Variants in BMS1 observed in about 807,000 individuals in gnomAD.
The protein encoded by BMS1 is BMS1 ribosome biogenesis factor.
A neutral mutation model predicts 138.7 loss-of-function variants in BMS1; 53 were observed. That is an observed-to-expected ratio of 0.38 (90% CI 0.31 to 0.48). The LOEUF is 0.48. Among genes scored for constraint, BMS1 ranks in the 20% least tolerant of loss-of-function variants. BMS1 has a pLI of 0.97. For synonymous variants in BMS1, 504 were observed against 539.9 expected, an observed-to-expected ratio of 0.93 and a Z score of 0.92; for missense variants, 1,360 against 1,565.5, an observed-to-expected ratio of 0.87 and a Z score of 2.22.
At position 42,831,151 on chromosome 10, in the gene BMS1, A is replaced by T; in HGVS notation, c.*55A>T. 1 of 1,483,068 alleles carries T rather than the reference A, an allele frequency of 6.7e-7. No homozygotes were observed. Among genetic ancestry groups the T allele is most frequent in the Non-Finnish European group, 9.1e-7 (1 of 1,100,226 alleles). The allele number at this position is 1,483,068 out of a possible 1,614,324, so 91.9% of individuals were successfully genotyped here. A position where few individuals can be genotyped will look rare whatever the true frequency, so the allele number is the denominator to read the frequency against. On this transcript the variant is annotated 3_prime_UTR_variant, in exon 23 of 23. Coordinates refer to ENST00000374518, the MANE Select transcript of BMS1 (RefSeq NM_014753.4). The stretch of plus-strand genomic sequence containing the variant: ...TCTGCGGAGGTAGACAGTTTCAAAC[A>T]TCACAGTTTGAATGCCTGTGAATGA...
chr10:42,816,226 G>A (rs993172153), intron 13 of BMS1, among the ~76,000 whole-genome samples: 1 of 152,132 alleles, frequency 6.6e-6, no homozygotes. Context: ...TTGAACCCGG[G>A]AGGCGGAGGT....
At chr10:42,801,832 G>A (rs1431279664) in intron 12 of BMS1, among the ~76,000 whole-genome samples, 1 of 152,176 alleles carries the variant, frequency 6.6e-6, no homozygotes. Context: ...CTGTCTCATT[G>A]CATTGCCTTA....
rs2132386611 is a variant in BMS1, at chr10:42,823,766, C to G, written c.3438C>G (p.Asn1146Lys). 6.3e-7 allele frequency: 1 copy of G among 1,592,526 alleles called. No individual in the cohort carries two copies. Among genetic ancestry groups the G allele is most frequent in the Non-Finnish European group, 8.5e-7 (1 of 1,178,296 alleles). ...RLAHGVRLKA[N>K]KDSLYKPILR... ...CCCATGGCGTCAGACTAAAGGCGAA[C>G]AAGGACTCTCTGTATAAGGTACTGG... The change falls in exon 21 of 23, where the codon AAC (asparagine) becomes AAG (lysine). Residue 1146 changes from asparagine to lysine, a missense_variant. This residue lies in a region of BMS1 where 425 missense variants were observed against 568.3 expected (regional missense o/e 0.75). Coordinates refer to ENST00000374518, the MANE Select transcript of BMS1 (RefSeq NM_014753.4).
Position 42,799,919 on chromosome 10 carries a change from A to C in BMS1, c.2247+1294A>C, listed in dbSNP as rs1484655003. On this transcript the variant is annotated intron_variant, in intron 12 of 22. Coordinates refer to ENST00000374518, the MANE Select transcript of BMS1 (RefSeq NM_014753.4). ...CCTTCCCATTTCTTTCTTTGGTTAC[A>C]TTTTATTTAATAAACCAAGTCTTTG... Among the ~76,000 whole-genome samples, 17 of 151,982 alleles carry C rather than the reference A, an allele frequency of 1.1e-4. 1 individual carries two copies. The highest frequency in any genetic ancestry group is 1.1e-3 in the Admixed American group (17 of 15,268).
chr10:42,803,024 C>G (rs1252979274), intron 13 of BMS1, among the ~76,000 whole-genome samples: 2 of 151,960 alleles, frequency 1.3e-5, no homozygotes, highest in Non-Finnish European at 2.9e-5. Context: ...GAAGGTCATT[C>G]TTTTTGTTTT....
At position 42,824,801 on chromosome 10, in the gene BMS1, T is replaced by C. The variant is rs572534577; in HGVS notation, c.3456+1017T>C. Among the ~76,000 whole-genome samples the C allele has an allele frequency of 8.4e-4, 128 of 152,314 alleles. 1 individual carries two copies. Among genetic ancestry groups the C allele is most frequent in the Middle Eastern group, 3.4e-3 (1 of 294 alleles). ...TTATCAAAAATTAGTTGACAGTATATGTTTGGATTTATTTCAAAGGTCTCT... is the reference window on the plus strand; with the variant it reads ...TTATCAAAAATTAGTTGACAGTATACGTTTGGATTTATTTCAAAGGTCTCT... On this transcript the variant is annotated intron_variant, in intron 21 of 22. Coordinates refer to ENST00000374518, the MANE Select transcript of BMS1 (RefSeq NM_014753.4).
chr10:42,783,660 G>C (rs1641831477), intron 1 of BMS1, among the ~76,000 whole-genome samples: 1 of 151,974 alleles, frequency 6.6e-6, no homozygotes, highest in African/African-American at 2.4e-5. Flanking sequence ...CAGATTCCCA[G>C]GTAACTCAGA....
At position 42,820,605 on chromosome 10, in the gene BMS1, T is replaced by A. The variant is rs1564429117; in HGVS notation, c.2867T>A (p.Leu956Gln). 1 of 1,611,930 alleles carries A rather than the reference T, an allele frequency of 6.2e-7. No individual in the cohort carries two copies. ...TGGAGGAGGTTTCAGACCATCCCACTGTATTATATCGAAGACCACAATGGA... is the reference window on the plus strand; with the variant it reads ...TGGAGGAGGTTTCAGACCATCCCACAGTATTATATCGAAGACCACAATGGA... ...VGWRRFQTIP[L>Q]YYIEDHNGRQ... The change falls in exon 17 of 23, where the codon CTG (leucine) becomes CAG (glutamine). Residue 956 changes from leucine (L) to glutamine (Q), a missense_variant. Transcript: ENST00000374518.
At chr10:42,828,223 C>A (rs1252953990) in intron 21 of BMS1, among the ~76,000 whole-genome samples, 1 of 152,224 alleles carries the variant, frequency 6.6e-6, no homozygotes, top group Non-Finnish European at 1.5e-5. Context: ...ACAGCACATT[C>A]TATTTAGCCT....
In BMS1 at chr10:42,797,172, A is replaced by G; in HGVS notation, c.1928A>G (p.Asn643Ser). ...ATTGATGAGACCAGTGATATAGAAA[A>G]TTTACTCAAAGAGGAAGAAGATTAC... Reference protein sequence around the residue: ...NFIDETSDIENLLKEEEDYKE... With the variant: ...NFIDETSDIESLLKEEEDYKE... The change falls in exon 10 of 23, where the codon AAT becomes AGT. Residue 643 changes from asparagine (N) to serine (S), a missense_variant. Transcript: ENST00000374518. 1 of 1,613,028 alleles carries G rather than the reference A, an allele frequency of 6.2e-7. No homozygotes were observed. The highest frequency in any genetic ancestry group is 8.5e-7 in the Non-Finnish European group (1 of 1,179,654).
intron 15 of BMS1, among the ~76,000 whole-genome samples, chr10:42,818,464 G>A (rs1588749608): frequency 6.6e-6 from 1 of 152,218 alleles, no homozygotes; most frequent in Non-Finnish European, 1.5e-5. Flanking sequence ...AAGGCTGGCA[G>A]TGGAGATGAG....
chr10:42,812,567 C>T (rs555604053), intron 13 of BMS1, among the ~76,000 whole-genome samples: 17 of 152,162 alleles, frequency 1.1e-4, no homozygotes, highest in Non-Finnish European at 2.1e-4. Context: ...AAGGAGGGGT[C>T]CCTGCCCTAA....
At chr10:42,816,122 A>G (rs1657631188) in intron 13 of BMS1, among the ~76,000 whole-genome samples, 1 of 152,082 alleles carries the variant, frequency 6.6e-6, no homozygotes, top group Admixed American at 6.5e-5. Flanking sequence ...CAATTGGTGA[A>G]ATCCCATCTT....
Position 42,820,507 on chromosome 10 carries a change from G to C in BMS1, c.2770-1G>C, listed in dbSNP as rs1266818218. ...ATCATCTTACCCTCTCGTCCCCTCA[G>C]ATGCGTCTGAAGAAACATCGCTGGT... On this transcript the variant is annotated splice_acceptor_variant, in intron 16 of 22. Coordinates refer to ENST00000374518, the MANE Select transcript of BMS1 (RefSeq NM_014753.4). LOFTEE classifies it high-confidence loss of function. 1 of 1,610,928 alleles carries C rather than the reference G, an allele frequency of 6.2e-7. No individual in the cohort carries two copies. The highest frequency in any genetic ancestry group is 8.5e-7 in the Non-Finnish European group (1 of 1,179,336).
At position 42,790,337 on chromosome 10, in the gene BMS1, A is replaced by G; in HGVS notation, c.462A>G (p.Ile154Met). Residue 154 changes from isoleucine to methionine, a missense_variant, in exon 5 of 23, where the codon ATA becomes ATG. Transcript: ENST00000374518. The part of the protein sequence containing the change: ...AKVADLVLML[I>M]DASFGFEMET... ...TCTGCTTTTAGGTACTGATGCTTATAGATGCCAGCTTTGGGTTTGAAATGG... is the reference window on the plus strand; with the variant it reads ...TCTGCTTTTAGGTACTGATGCTTATGGATGCCAGCTTTGGGTTTGAAATGG... 6.2e-7 allele frequency: 1 copy of G among 1,613,880 alleles called. No homozygotes were observed. Among genetic ancestry groups the G allele is most frequent in the Non-Finnish European group, 8.5e-7 (1 of 1,179,852 alleles).
chr10:42,785,987 G>A (rs73252892), intron 3 of BMS1, among the ~76,000 whole-genome samples: 11,457 of 152,200 alleles, frequency 0.075, 674 homozygotes, highest in African/African-American at 0.15. Flanking sequence ...CTCTTCCTCC[G>A]TGTAGAAGGA....
chr10:42,799,206 C>T (rs529206074), intron 12 of BMS1, among the ~76,000 whole-genome samples: 2 of 152,292 alleles, frequency 1.3e-5, no homozygotes, highest in Admixed American at 6.5e-5. Context: ...ACCTCCTGGG[C>T]TCAAGGGATC....
At chr10:42,815,764 T>G (rs1842330995) in intron 13 of BMS1, among the ~76,000 whole-genome samples, 1 of 152,116 alleles carries the variant, frequency 6.6e-6, no homozygotes, top group African/African-American at 2.4e-5. Context: ...CAAAAACAAA[T>G]GAAGGAATGA....
chr10:42,825,955 T>C lies in BMS1; in HGVS notation c.3456+2171T>C, dbSNP rs1025395176. Among the ~76,000 whole-genome samples the C allele has an allele frequency of 3.2e-4, 49 of 152,368 alleles. No individual in the cohort carries two copies. In the South Asian group the frequency reaches 4.1e-3, roughly 13 times the overall value. On this transcript the variant is annotated intron_variant, in intron 21 of 22. Coordinates refer to ENST00000374518, the MANE Select transcript of BMS1 (RefSeq NM_014753.4). ...AGGAACTTTCCTTCTATACATAAACTGTTAAGAGGTTTTATCAAGAAAGGT... is the reference window on the plus strand; with the variant it reads ...AGGAACTTTCCTTCTATACATAAACCGTTAAGAGGTTTTATCAAGAAAGGT...
Sources: allele counts gnomAD v4.1 joint callset (sites outside exome capture counted in the v4.1 genomes callset), GRCh38; gene constraint gnomAD v4.1.1; regional missense constraint gnomAD v4.1.1; transcripts MANE v1.5; gene names NCBI Gene and HGNC (gene_info 2026-07-23, HGNC 2026-07-21).